Variants in ERBB4 observed in about 807,000 individuals in gnomAD.
The protein encoded by ERBB4 is erb-b2 receptor tyrosine kinase 4.
In ERBB4, 42 loss-of-function variants were observed where a neutral mutation model predicts 158.0. That is an observed-to-expected ratio of 0.27 (90% CI 0.21 to 0.34). ERBB4 has a LOEUF of 0.34. ERBB4 is among the 10% of genes least tolerant of loss of function. The pLI is 1.00. For synonymous variants in ERBB4, 583 were observed against 558.7 expected, an observed-to-expected ratio of 1.04 and a Z score of -0.61; for missense variants, 1,333 against 1,624.1, an observed-to-expected ratio of 0.82 and a Z score of 3.08.
Position 212,277,114 on chromosome 2 carries a change from G to A in ERBB4, c.83-152211C>T, listed in dbSNP as rs73986919. ...GAGTTATTTATCATGTGAGAGAATA[G>A]TCAGCAAGCTAGGGGGAATGAGGTA... On this transcript the variant is annotated intron_variant, in intron 1 of 27. Transcript: ENST00000342788. 1.0e-2 allele frequency among the ~76,000 whole-genome samples: 1,511 copies of A among 151,826 alleles called. 22 individuals carry two copies. Among genetic ancestry groups the A allele is most frequent in the African/African-American group, 0.035 (1,435 of 41,476 alleles).
chr2:211,931,220 A>C (rs78607948), intron 3 of ERBB4, among the ~76,000 whole-genome samples: 5,395 of 152,146 alleles, frequency 0.035, 133 homozygotes, highest in Middle Eastern at 0.088. Flanking sequence ...TTTTGCTATT[A>C]TTTAGCCTTA....
chr2:211,725,459 T>C (rs766250185), intron 5 of ERBB4, among the ~76,000 whole-genome samples: 14 of 151,142 alleles, frequency 9.3e-5, no homozygotes, highest in Non-Finnish European at 1.9e-4. Context: ...AAGAATCCAA[T>C]TTGAAGTCAG....
At chr2:212,530,782 G>A (rs1692714284) in intron 1 of ERBB4, among the ~76,000 whole-genome samples, 1 of 152,176 alleles carries the variant, frequency 6.6e-6, no homozygotes, top group Non-Finnish European at 1.5e-5. Flanking sequence ...ATGGGACCAG[G>A]AGTAAGTAAA....
intron 19 of ERBB4, 23 bp from the exon 20 acceptor site, chr2:211,562,111 C>A: frequency 1.2e-6 from 2 of 1,604,712 alleles, no homozygotes; most frequent in South Asian, 1.1e-5. Context: ...AATGCAATAC[C>A]ATGATTTCAA....
At chr2:212,373,800 C>CAT (rs1480360981) in intron 1 of ERBB4, among the ~76,000 whole-genome samples, 8 of 90,324 alleles carry the variant, frequency 8.9e-5, no homozygotes, top group East Asian at 7.0e-4. Flanking sequence ...TATATATATC[C>CAT]ATATATATAT....
intron 1 of ERBB4, among the ~76,000 whole-genome samples, chr2:212,165,910 C>T (rs926102506): frequency 6.6e-6 from 1 of 151,932 alleles, no homozygotes; most frequent in African/African-American, 2.4e-5. Flanking sequence ...TTTTTCATAA[C>T]ACTTTAATTT....
At chr2:211,669,072 A>T (rs990801703) in intron 14 of ERBB4, among the ~76,000 whole-genome samples, 5 of 151,822 alleles carry the variant, frequency 3.3e-5, no homozygotes, top group African/African-American at 1.2e-4. Flanking sequence ...AAAATATAAA[A>T]ATTAGCCAGG....
intron 3 of ERBB4, among the ~76,000 whole-genome samples, chr2:211,800,659 T>TAA (rs35946148): frequency 5.1e-4 from 66 of 128,582 alleles, no homozygotes; most frequent in Middle Eastern, 3.9e-3. Context: ...AACTGTGCGT[T>TAA]AAAAAAAAAA....
At chr2:212,385,518 C>G (rs1466188235) in intron 1 of ERBB4, among the ~76,000 whole-genome samples, 4 of 151,800 alleles carry the variant, frequency 2.6e-5, no homozygotes, top group African/African-American at 9.7e-5. Flanking sequence ...TTAAGCAACT[C>G]TCTTCTTGAT....
At chr2:212,124,926 G>A (rs1334307728) in intron 1 of ERBB4, 23 bp from the exon 2 acceptor site, 3 of 1,613,332 alleles carry the variant, frequency 1.9e-6, no homozygotes, top group Non-Finnish European at 1.7e-6. Context: ...GAAGATACAC[G>A]TGAAATTACA....
rs374432402 is a variant in ERBB4 at position 211,380,608 on chromosome 2, A to T, written c.*3007T>A. 20 of 232,024 alleles carry T rather than the reference A, an allele frequency of 8.6e-5. 1 individual carries two copies. The highest frequency in any genetic ancestry group is 4.3e-4 in the East Asian group (7 of 16,386). The allele number at this position is 232,024 out of a possible 1,614,324, so 14.4% of individuals were successfully genotyped here. On this transcript the variant is annotated 3_prime_UTR_variant, in exon 28 of 28. Coordinates refer to ENST00000342788, the MANE Select transcript of ERBB4 (RefSeq NM_005235.3). ...GAATGAAACTTTTTTTCTCCCTCTT[A>T]TACATGCTGAAATATGTTTTCCCAG...
intron 3 of ERBB4, among the ~76,000 whole-genome samples, chr2:211,874,309 T>C (rs1018120872): frequency 4.6e-5 from 7 of 152,200 alleles, no homozygotes; most frequent in Non-Finnish European, 7.3e-5. Context: ...TTTAATAATC[T>C]GAATAGAGAA....
chr2:212,151,395 A>G (rs895284048), intron 1 of ERBB4, among the ~76,000 whole-genome samples: 1 of 151,514 alleles, frequency 6.6e-6, no homozygotes, highest in Non-Finnish European at 1.5e-5. Flanking sequence ...ATGTGACAAT[A>G]TTATATCAAA....
chr2:211,383,483 C>A lies in ERBB4; in HGVS notation c.*132G>T. The A allele has an allele frequency of 1.4e-6, 1 of 722,892 alleles. No homozygotes were observed. Among genetic ancestry groups the A allele is most frequent in the Non-Finnish European group, 2.4e-6 (1 of 408,248 alleles). The allele number at this position is 722,892 out of a possible 1,614,324, so 44.8% of individuals were successfully genotyped here. A position where few individuals can be genotyped will look rare whatever the true frequency, so the allele number is the denominator to read the frequency against. On this transcript the variant is annotated 3_prime_UTR_variant, in exon 28 of 28. Transcript: ENST00000342788. ...TTAGGTAAGCACATAACTATCATTG[C>A]ATCTCTGTATCTTCCACTGGGAAGT...
chr2:211,937,578 G>A (rs938417868), intron 3 of ERBB4, among the ~76,000 whole-genome samples: 2 of 152,106 alleles, frequency 1.3e-5, no homozygotes, highest in African/African-American at 4.8e-5. Context: ...CATGGCTGGG[G>A]AGGCCTCATG....
At chr2:211,540,926 T>C (rs531057396) in intron 20 of ERBB4, among the ~76,000 whole-genome samples, 1 of 152,036 alleles carries the variant, frequency 6.6e-6, no homozygotes, top group East Asian at 1.9e-4. Context: ...TACAGTATGT[T>C]GTTGTGCTTA....
intron 1 of ERBB4, among the ~76,000 whole-genome samples, chr2:212,487,118 A>T (rs1690018481): frequency 6.6e-6 from 1 of 152,090 alleles, no homozygotes; most frequent in Admixed American, 6.6e-5. Flanking sequence ...TAATCCCTTG[A>T]TATTTCTTTT....
intron 1 of ERBB4, among the ~76,000 whole-genome samples, chr2:212,407,746 G>A (rs2091388621): frequency 6.6e-6 from 1 of 151,974 alleles, no homozygotes; most frequent in Non-Finnish European, 1.5e-5. Flanking sequence ...TTTGACAAAA[G>A]ACCATCTGCT....
intron 3 of ERBB4, among the ~76,000 whole-genome samples, chr2:211,843,935 A>T (rs935568595): frequency 1.3e-5 from 2 of 152,138 alleles, no homozygotes; most frequent in African/African-American, 4.8e-5. Flanking sequence ...TGAGTTTCAG[A>T]GGGGTCAAAT....
Sources: allele counts gnomAD v4.1 joint callset (sites outside exome capture counted in the v4.1 genomes callset), GRCh38; gene constraint gnomAD v4.1.1; transcripts MANE v1.5; gene names NCBI Gene and HGNC (gene_info 2026-07-23, HGNC 2026-07-21).